RBMS3: variants seen among roughly 807,000 people sequenced by gnomAD.
The protein encoded by RBMS3 is RNA binding motif single stranded interacting protein 3.
Under a neutral mutation model 66.8 loss-of-function variants are expected in RBMS3, and 27 were observed. That is an observed-to-expected ratio of 0.40 (90% CI 0.30 to 0.56). The LOEUF is 0.56. Among genes scored for constraint, RBMS3 ranks in the 20% least tolerant of loss-of-function variants. The pLI, the probability that RBMS3 is intolerant of heterozygous loss-of-function variation, is 0.40. For synonymous variants in RBMS3, 188 were observed against 183.0 expected (o/e 1.03, Z -0.22); for missense variants, 513 against 549.5 (o/e 0.93, Z 0.66).
intron 1 of RBMS3, among the ~76,000 whole-genome samples, chr3:29,404,699 T>C (rs1466275330): frequency 6.6e-6 from 1 of 152,102 alleles, no homozygotes; most frequent in Admixed American, 6.6e-5. Context: ...GTTAGCAGGT[T>C]GGTCTTGAGT....
At chr3:29,695,995 G>T (rs1241535765) in intron 4 of RBMS3, among the ~76,000 whole-genome samples, 1 of 152,168 alleles carries the variant, frequency 6.6e-6, no homozygotes, top group East Asian at 1.9e-4. Flanking sequence ...CCAAGACCAG[G>T]CTCTAGGATT....
At chr3:29,381,192 C>A (rs932388323) in intron 1 of RBMS3, among the ~76,000 whole-genome samples, 1 of 152,130 alleles carries the variant, frequency 6.6e-6, no homozygotes, top group Non-Finnish European at 1.5e-5. Flanking sequence ...CTGGCATTGA[C>A]AAGTAGTAGA....
At chr3:29,936,275 G>A (rs2061263611) in intron 11 of RBMS3, 79 bp downstream of exon 11, 1 of 1,282,348 alleles carries the variant, frequency 7.8e-7, no homozygotes, top group Non-Finnish European at 1.1e-6. Flanking sequence ...GGCATTATCA[G>A]TGAAACTGTG....
chr3:29,961,697 C>A (rs1056222701), intron 12 of RBMS3, among the ~76,000 whole-genome samples: 1 of 151,826 alleles, frequency 6.6e-6, no homozygotes, highest in Non-Finnish European at 1.5e-5. Context: ...AAGGAAATAA[C>A]CCCTTATAAA....
At chr3:29,313,481 A>G (rs1213694543) in intron 1 of RBMS3, among the ~76,000 whole-genome samples, 1 of 151,680 alleles carries the variant, frequency 6.6e-6, no homozygotes, top group African/African-American at 2.4e-5. Context: ...TCTGCCTTGA[A>G]CAAGGAAATT....
At chr3:29,409,534 C>T (rs1411544674) in intron 1 of RBMS3, among the ~76,000 whole-genome samples, 2 of 152,346 alleles carry the variant, frequency 1.3e-5, no homozygotes, top group East Asian at 3.9e-4. Context: ...TATTTCCTTA[C>T]AGCATAGTGG....
intron 1 of RBMS3, among the ~76,000 whole-genome samples, chr3:29,299,121 T>C (rs1440902436): frequency 6.6e-6 from 1 of 151,898 alleles, no homozygotes; most frequent in Non-Finnish European, 1.5e-5. Flanking sequence ...AAGACAGTCT[T>C]GGGCCAGGTT....
chr3:29,794,705 A>G (rs2057124847), intron 6 of RBMS3, among the ~76,000 whole-genome samples: 1 of 152,178 alleles, frequency 6.6e-6, no homozygotes, highest in Non-Finnish European at 1.5e-5. Context: ...TGAATCATGG[A>G]CCTATGAAGC....
In RBMS3 at chr3:29,836,541, C is replaced by A. The variant is rs9842543; in HGVS notation, c.638-32317C>A. Reference sequence around the variant, plus strand: ...AAACAGAGCACAGAAGGATCGTTACCAGGGGTATAGAAATGGGGAAAATGG... The same window carrying A: ...AAACAGAGCACAGAAGGATCGTTACAAGGGGTATAGAAATGGGGAAAATGG... On this transcript the variant is annotated intron_variant, in intron 6 of 14. Transcript: ENST00000383767. Among the ~76,000 whole-genome samples the A allele has an allele frequency of 1.7e-3, 260 of 151,894 alleles. 2 individuals are homozygous for A. Among genetic ancestry groups the A allele is most frequent in the African/African-American group, 6.0e-3 (249 of 41,416 alleles).
At position 30,004,954 on chromosome 3, in the gene RBMS3, A is replaced by G. The variant is rs923283199; in HGVS notation, c.*1092A>G. 1 of 151,754 alleles carries G rather than the reference A, an allele frequency of 6.6e-6. No individual in the cohort carries two copies. Among genetic ancestry groups the G allele is most frequent in the African/African-American group, 2.4e-5 (1 of 41,268 alleles). 9.4% of individuals were successfully genotyped at this position (151,754 alleles called of 1,614,324 possible). On this transcript the variant is annotated 3_prime_UTR_variant, in exon 15 of 15. Transcript: ENST00000383767. ...AGTGCAAAAAAAAAAACAAAAAAAA[A>G]GCAATAGATAGAGAAATTGTTGACA...
chr3:29,457,994 A>G (rs2042252616), intron 2 of RBMS3, among the ~76,000 whole-genome samples: 1 of 152,120 alleles, frequency 6.6e-6, no homozygotes, highest in Non-Finnish European at 1.5e-5. Context: ...TCAGATATTA[A>G]TCTACATGCC....
chr3:29,584,766 T>C (rs1483873018), intron 3 of RBMS3, among the ~76,000 whole-genome samples: 2 of 152,140 alleles, frequency 1.3e-5, no homozygotes, highest in African/African-American at 2.4e-5. Context: ...CTCCAAAATA[T>C]AACTCAAAGC....
chr3:30,003,797 G>A, intron 14 of RBMS3, 59 bp from the exon 15 acceptor site: 2 of 1,253,848 alleles, frequency 1.6e-6, no homozygotes, highest in Non-Finnish European at 2.1e-6. Context: ...AAAGGGCACA[G>A]AAGGTGATTT....
Position 29,367,576 on chromosome 3 carries a change from A to G in RBMS3, c.76-67167A>G, listed in dbSNP as rs1415246896. Among the ~76,000 whole-genome samples, 5 of 152,144 alleles carry G rather than the reference A, an allele frequency of 3.3e-5. No homozygotes were observed. In the East Asian group the frequency reaches 9.6e-4, roughly 29 times the overall value. The stretch of plus-strand genomic sequence containing the variant: ...ACACATAATAAATAGTATGTTGTTT[A>G]CAAATAAAGCATAATACTCAAAGAA... On this transcript the variant is annotated intron_variant, in intron 1 of 14. Transcript: ENST00000383767.
chr3:29,772,853 A>C (rs1330978979), intron 6 of RBMS3, among the ~76,000 whole-genome samples: 1 of 152,212 alleles, frequency 6.6e-6, no homozygotes, highest in East Asian at 1.9e-4. Context: ...CAGTTTCTTT[A>C]TAACTGCTCA....
chr3:29,658,180 G>A (rs553335699), intron 4 of RBMS3, among the ~76,000 whole-genome samples: 14 of 152,304 alleles, frequency 9.2e-5, no homozygotes, highest in African/African-American at 3.4e-4. Flanking sequence ...TTAATAAAAT[G>A]ATGTTTGTGA....
intron 4 of RBMS3, among the ~76,000 whole-genome samples, chr3:29,666,333 A>C (rs938218875): frequency 1.3e-5 from 2 of 152,234 alleles, no homozygotes; most frequent in African/African-American, 4.8e-5. Flanking sequence ...AGCATGATGA[A>C]GGCAGGGATT....
chr3:29,889,905 A>G (rs2059959918), intron 8 of RBMS3, among the ~76,000 whole-genome samples: 1 of 151,550 alleles, frequency 6.6e-6, no homozygotes, highest in South Asian at 2.1e-4. Flanking sequence ...TCCCCATGTA[A>G]CATCTTAACC....
intron 6 of RBMS3, among the ~76,000 whole-genome samples, chr3:29,810,036 G>A (rs2057684948): frequency 6.6e-6 from 1 of 152,020 alleles, no homozygotes; most frequent in Admixed American, 6.6e-5. Context: ...TATCAAGGAA[G>A]CATCGTTTTC....
Sources: gnomAD v4.1 joint callset for allele counts (sites outside exome capture counted in the v4.1 genomes callset) on GRCh38, gnomAD v4.1.1 for gene constraint, MANE v1.5 for transcripts, NCBI Gene and HGNC (gene_info 2026-07-23, HGNC 2026-07-21) for gene names.